PARD3B: variants seen among roughly 807,000 people sequenced by gnomAD.
PARD3B encodes the protein par-3 family cell polarity regulator beta.
PARD3B carries 103 observed loss-of-function variants against 130.2 expected under a neutral mutation model. The ratio of observed to expected loss-of-function variants is 0.79; its 90% CI spans 0.67 to 0.93. PARD3B has a LOEUF of 0.93. Among genes scored for constraint, PARD3B ranks in the 40% least tolerant of loss-of-function variants. The pLI, the probability that PARD3B is intolerant of heterozygous loss-of-function variation, is 0.00. For missense variants in PARD3B, 1,609 were observed against 1,499.2 expected (o/e 1.07, Z -1.21); for synonymous variants, 583 against 553.2 (o/e 1.05, Z -0.76).
chr2:204,579,776 G>A (rs2032455077), intron 1 of PARD3B, among the ~76,000 whole-genome samples: 2 of 152,212 alleles, frequency 1.3e-5, no homozygotes, highest in South Asian at 2.1e-4. Context: ...CTGTGTGGGG[G>A]ATGGGGAAGT....
chr2:205,435,522 T>C (rs1410694778), intron 19 of PARD3B, among the ~76,000 whole-genome samples: 1 of 152,068 alleles, frequency 6.6e-6, no homozygotes, highest in Non-Finnish European at 1.5e-5. Flanking sequence ...GCTATCTCTT[T>C]TTTATTTTCT....
intron 1 of PARD3B, among the ~76,000 whole-genome samples, chr2:204,634,520 C>A (rs1375873554): frequency 6.6e-6 from 1 of 152,134 alleles, no homozygotes; most frequent in Non-Finnish European, 1.5e-5. Flanking sequence ...TCTCTTAATT[C>A]TCATTTATAT....
intron 3 of PARD3B, among the ~76,000 whole-genome samples, chr2:204,981,581 C>T (rs1692671217): frequency 6.6e-6 from 1 of 152,152 alleles, no homozygotes; most frequent in African/African-American, 2.4e-5. Flanking sequence ...ATTTATTGGA[C>T]ACTTAACTAT....
intron 2 of PARD3B, among the ~76,000 whole-genome samples, chr2:204,858,467 A>C (rs2045045682): frequency 6.6e-6 from 1 of 151,718 alleles, no homozygotes; most frequent in South Asian, 2.1e-4. Context: ...CAGAAAGGAA[A>C]ATACTACATG....
intron 18 of PARD3B, among the ~76,000 whole-genome samples, chr2:205,312,069 A>T (rs2042405783): frequency 6.6e-6 from 1 of 152,210 alleles, no homozygotes; most frequent in Non-Finnish European, 1.5e-5. Flanking sequence ...AGGGAACATG[A>T]CATCTGTCAT....
At chr2:205,394,743 C>T (rs948986741) in intron 18 of PARD3B, among the ~76,000 whole-genome samples, 3 of 152,096 alleles carry the variant, frequency 2.0e-5, no homozygotes, top group Non-Finnish European at 2.9e-5. Context: ...CAGACACAAA[C>T]GAATAAATTT....
At chr2:204,598,597 T>C (rs996618150) in intron 1 of PARD3B, among the ~76,000 whole-genome samples, 1 of 152,090 alleles carries the variant, frequency 6.6e-6, no homozygotes, top group Non-Finnish European at 1.5e-5. Context: ...CACATGGAAT[T>C]TATATATGCT....
intron 3 of PARD3B, among the ~76,000 whole-genome samples, chr2:204,969,916 C>CGT (rs368645504): frequency 0.031 from 4,667 of 150,380 alleles, 91 homozygotes; most frequent in Middle Eastern, 0.055. Flanking sequence ...CTTCTCATCC[C>CGT]GTGTGTGTGT....
chr2:204,601,049 G>A (rs994068475), intron 1 of PARD3B, among the ~76,000 whole-genome samples: 1 of 151,734 alleles, frequency 6.6e-6, no homozygotes, highest in African/African-American at 2.4e-5. Context: ...CACATTTCCT[G>A]GATACGGACC....
At position 205,526,726 on chromosome 2, in the gene PARD3B, C is replaced by T. The variant is rs2051354928; in HGVS notation, c.3181-26598C>T. 2.0e-5 allele frequency among the ~76,000 whole-genome samples: 3 copies of T among 152,162 alleles called. No homozygotes were observed. The South Asian group carries it at 6.2e-4, about 31-fold the overall frequency. On this transcript the variant is annotated intron_variant, in intron 21 of 22. Transcript: ENST00000406610. The stretch of plus-strand genomic sequence containing the variant: ...AAAAATTAAATGTACAAGATTACCA[C>T]TTCTGCTTAGTGCTTTGTCTTTAGT...
At chr2:205,239,210 C>T (rs1422234432) in intron 15 of PARD3B, among the ~76,000 whole-genome samples, 2 of 151,856 alleles carry the variant, frequency 1.3e-5, no homozygotes, top group African/African-American at 4.8e-5. Context: ...TTGGGATCTT[C>T]CTTTTTATTT....
Position 205,121,859 on chromosome 2 carries a change from G to A in PARD3B, c.1075G>A (p.Gly359Arg), listed in dbSNP as rs759641089. The change falls in exon 8 of 23, where the codon GGA becomes AGA. Residue 359 changes from glycine (G) to arginine (R), a missense_variant. Transcript: ENST00000406610. The surrounding 1 kb of genome is among the most constrained non-coding windows in gnomAD (Gnocchi z 5.0). ...QNKSPRVPRL[G>R]GKPSSPSLSP... ...CAAGAGTCCCCGAGTACCAAGGCTGGGAGGAAAACCATCCTCTCCCTCACT... is the reference window on the plus strand; with the variant it reads ...CAAGAGTCCCCGAGTACCAAGGCTGAGAGGAAAACCATCCTCTCCCTCACT... 26 of 1,614,002 alleles carry A rather than the reference G, an allele frequency of 1.6e-5. No individual in the cohort carries two copies. The highest frequency in any genetic ancestry group is 2.2e-5 in the Non-Finnish European group (26 of 1,180,002).
In PARD3B at chr2:205,300,897, G is replaced by C. The variant is rs970173534; in HGVS notation, c.2392+161G>C. Among the ~76,000 whole-genome samples the C allele has an allele frequency of 3.3e-5, 5 of 152,126 alleles. No individual in the cohort carries two copies. Among genetic ancestry groups the C allele is most frequent in the African/African-American group, 1.2e-4 (5 of 41,426 alleles). On this transcript the variant is annotated intron_variant, in intron 17 of 22. Coordinates refer to ENST00000406610, the MANE Select transcript of PARD3B (RefSeq NM_001302769.2). This position sits in a 1 kb window ranked among gnomAD's most constrained non-coding sequence, Gnocchi z 4.1. ...TTTTCCTGATATGTTTTGCCCTTTG[G>C]CTTAATGAACATGGAATTGGAGAAC... is the stretch of plus-strand genomic sequence containing the variant.
At chr2:205,150,435 ATTTGAG>A (rs1164981871) in intron 10 of PARD3B, among the ~76,000 whole-genome samples, 1 of 151,978 alleles carries the variant, frequency 6.6e-6, no homozygotes, top group Non-Finnish European at 1.5e-5. Context: ...GTCTGGCAAG[ATTTGAG>A]TTTAATTTTG....
At chr2:204,834,387 T>C (rs1180834718) in intron 2 of PARD3B, among the ~76,000 whole-genome samples, 1 of 152,146 alleles carries the variant, frequency 6.6e-6, no homozygotes, top group Non-Finnish European at 1.5e-5. Flanking sequence ...TCACTGGAAA[T>C]AGAAGTAATT....
chr2:205,269,441 G>A lies in PARD3B; in HGVS notation c.2185+23619G>A, dbSNP rs917309001. 4.6e-5 allele frequency among the ~76,000 whole-genome samples: 7 copies of A among 152,140 alleles called. No homozygotes were observed. The highest frequency in any genetic ancestry group is 5.9e-5 in the Non-Finnish European group (4 of 68,022). The stretch of plus-strand genomic sequence containing the variant: ...GGCTTTTTCAGGTAATGTCTTAGGA[G>A]TAAGGAGAGAGAAAGCAAAGTTAGT... On this transcript the variant is annotated intron_variant, in intron 16 of 22. Coordinates refer to ENST00000406610, the MANE Select transcript of PARD3B (RefSeq NM_001302769.2). The surrounding 1 kb of genome is among the most constrained non-coding windows in gnomAD (Gnocchi z 4.7).
Position 205,550,955 on chromosome 2 carries a change from G to GTGTGTGTATATATATATATATATATA in PARD3B, c.3181-2368_3181-2367insGTGTGTATATATATATATATATATAT, listed in dbSNP as rs796567936. ...TGTGTGTGTGTGTATATATATATGT[G>GTGTGTGTATATATATATATATATATA]TATATATATATATATATATATACAC... is the stretch of plus-strand genomic sequence containing the variant. On this transcript the variant is annotated intron_variant, in intron 21 of 22. Coordinates refer to ENST00000406610, the MANE Select transcript of PARD3B (RefSeq NM_001302769.2). The surrounding 1 kb of genome is among the most constrained non-coding windows in gnomAD (Gnocchi z 4.5). 8.5e-5 allele frequency among the ~76,000 whole-genome samples: 8 copies of GTGTGTGTATATATATATATATATATA among 94,454 alleles called. No homozygotes were observed. Among genetic ancestry groups the GTGTGTGTATATATATATATATATATA allele is most frequent in the African/African-American group, 1.1e-4 (3 of 26,366 alleles). 62.0% of individuals were successfully genotyped at this position (94,454 alleles called of 152,430 possible).
rs185943232 is a variant in PARD3B at position 205,584,318 on chromosome 2, G to T, written c.3260+30915G>T. ...GACATTATCATACTTTGGATATATT[G>T]GGTTAAGTAAAATAAATTATTAAAA... On this transcript the variant is annotated intron_variant, in intron 22 of 22. Coordinates refer to ENST00000406610, the MANE Select transcript of PARD3B (RefSeq NM_001302769.2). This position sits in a 1 kb window ranked among gnomAD's most constrained non-coding sequence, Gnocchi z 5.5. Among the ~76,000 whole-genome samples, 1 of 152,216 alleles carries T rather than the reference G, an allele frequency of 6.6e-6. No individual in the cohort carries two copies. Among genetic ancestry groups the T allele is most frequent in the East Asian group, 1.9e-4 (1 of 5,182 alleles).
chr2:205,182,693 C>A (rs1296989758), intron 13 of PARD3B, among the ~76,000 whole-genome samples: 2 of 152,036 alleles, frequency 1.3e-5, no homozygotes, highest in African/African-American at 2.4e-5. Flanking sequence ...AATAGATAAA[C>A]CTAAAGTGTC....
Sources: allele counts gnomAD v4.1 joint callset (sites outside exome capture counted in the v4.1 genomes callset), GRCh38; gene constraint gnomAD v4.1.1; non-coding constraint Gnocchi (gnomAD v3.1); transcripts MANE v1.5; gene names NCBI Gene and HGNC (gene_info 2026-07-23, HGNC 2026-07-21).